Variants in IPO7 observed in about 807,000 individuals in gnomAD.
The protein encoded by IPO7 is importin 7, also known as importin-7.
A neutral mutation model predicts 136.4 loss-of-function variants in IPO7; 13 were observed. That is an observed-to-expected ratio of 0.10 (90% confidence interval 0.06 to 0.15). The LOEUF is 0.15. Ranked by LOEUF, IPO7 falls within the 10% of genes least tolerant of loss-of-function variation. The pLI is 1.00. For synonymous variants in IPO7, 403 were observed against 404.4 expected (o/e 1.00, Z 0.04); for missense variants, 857 against 1,240.6 (o/e 0.69, Z 4.65).
chr11:9,415,511 T>G (rs1202729544), intron 5 of IPO7, among the ~76,000 whole-genome samples: 1 of 152,148 alleles, frequency 6.6e-6, no homozygotes, highest in Non-Finnish European at 1.5e-5. Flanking sequence ...TTCTGTATGT[T>G]CTAAATTTTT....
Position 9,446,626 on chromosome 11 carries a change from A to G in IPO7, c.*1432A>G, listed in dbSNP as rs1347244551. 3 of 152,222 alleles carry G rather than the reference A, an allele frequency of 2.0e-5. No individual in the cohort carries two copies. The East Asian group carries it at 5.8e-4, about 29-fold the overall frequency. The allele number at this position is 152,222 out of a possible 1,614,324, so 9.4% of individuals were successfully genotyped here. On this transcript the variant is annotated 3_prime_UTR_variant, in exon 25 of 25. Coordinates refer to ENST00000379719, the MANE Select transcript of IPO7 (RefSeq NM_006391.3). ...TACATGTATACACAAAATATTTCAA[A>G]TTGAAAGCAACATCTTAATGGATTC...
At chr11:9,390,019 G>T (rs1361058098) in intron 1 of IPO7, among the ~76,000 whole-genome samples, 1 of 152,072 alleles carries the variant, frequency 6.6e-6, no homozygotes, top group African/African-American at 2.4e-5. Flanking sequence ...GCCTCCCAAA[G>T]TCTTGGGATT....
chr11:9,400,210 A>G (rs1854773333), intron 1 of IPO7, among the ~76,000 whole-genome samples: 1 of 152,106 alleles, frequency 6.6e-6, no homozygotes, highest in Admixed American at 6.6e-5. Context: ...TTTTTCCCCC[A>G]AACATTTTCC....
At chr11:9,432,991 T>TTTTTTTTTTG (rs1192538437) in intron 16 of IPO7, 2 of 144,850 alleles carry the variant, frequency 1.4e-5, no homozygotes, top group Non-Finnish European at 3.1e-5. Context: ...TCCAAATGGT[T>TTTTTTTTTTG]TTTTTTTTTT....
rs1162973548 is a variant in IPO7, at chr11:9,433,839, C to T, written c.2067C>T (p.Tyr689=). 1.2e-6 allele frequency: 2 copies of T among 1,610,164 alleles called. No individual in the cohort carries two copies. Among genetic ancestry groups the T allele is most frequent in the African/African-American group, 2.7e-5 (2 of 74,864 alleles). ...FEVFQQDGFD[Y]FTDMMPLLHN... ...TCTTTCAGCAAGATGGCTTTGATTA[C>T]TTTACAGGTGAGTCAAAGCAGCATG... The change falls in exon 18 of 25, where the codon TAC becomes TAT. Residue 689 remains tyrosine (Y), a synonymous_variant. Coordinates refer to ENST00000379719, the MANE Select transcript of IPO7 (RefSeq NM_006391.3).
chr11:9,391,996 A>G (rs1854640043), intron 1 of IPO7, among the ~76,000 whole-genome samples: 1 of 151,990 alleles, frequency 6.6e-6, no homozygotes, highest in South Asian at 2.1e-4. Flanking sequence ...CCCAAGTGCT[A>G]GAATTACAGG....
intron 4 of IPO7, among the ~76,000 whole-genome samples, chr11:9,410,843 C>G (rs993355399): frequency 3.9e-5 from 6 of 152,118 alleles, no homozygotes; most frequent in African/African-American, 1.4e-4. Flanking sequence ...ATACCATGAT[C>G]GTGACTTTAT....
intron 24 of IPO7, among the ~76,000 whole-genome samples, chr11:9,443,800 T>A (rs564276462): frequency 6.6e-6 from 1 of 151,132 alleles, no homozygotes; most frequent in African/African-American, 2.4e-5. Context: ...CTTGGGAGGC[T>A]GAGGCTGGAG....
intron 1 of IPO7, among the ~76,000 whole-genome samples, chr11:9,387,152 A>G (rs1056699305): frequency 6.6e-6 from 1 of 152,234 alleles, no homozygotes; most frequent in African/African-American, 2.4e-5. Context: ...AGAAGAACGA[A>G]TTATTCTATG....
At chr11:9,399,248 C>T (rs988732766) in intron 1 of IPO7, among the ~76,000 whole-genome samples, 1 of 151,494 alleles carries the variant, frequency 6.6e-6, no homozygotes. Flanking sequence ...ACCACAACCT[C>T]TGTCTCCGGG....
chr11:9,441,981 T>G (rs1041248937), intron 23 of IPO7, 100 bp from the exon 24 acceptor site: 5 of 568,942 alleles, frequency 8.8e-6, no homozygotes, highest in Non-Finnish European at 1.6e-5. Context: ...GATCAGAATT[T>G]CAGTATTGCC....
In IPO7 at chr11:9,384,908, G is replaced by C. The variant is rs889174197; in HGVS notation, c.84+61G>C. On this transcript the variant is annotated intron_variant, in intron 1 of 24. Coordinates refer to ENST00000379719, the MANE Select transcript of IPO7 (RefSeq NM_006391.3). ...CGGGTGGGCAGAAGTGGCAGGCCGA[G>C]CCCCCGGGGCCTGGCCGGAGGCGCG... The C allele has an allele frequency of 1.9e-5, 26 of 1,342,860 alleles. 1 individual carries two copies. In the Admixed American group the frequency reaches 4.2e-4, roughly 22 times the overall value. 83.2% of individuals were successfully genotyped at this position (1,342,860 alleles called of 1,614,324 possible).
intron 6 of IPO7, among the ~76,000 whole-genome samples, chr11:9,419,413 T>TGGCG (rs1855091658): frequency 1.3e-5 from 2 of 151,538 alleles, no homozygotes; most frequent in Non-Finnish European, 2.9e-5. Context: ...CTGGGCGTGG[T>TGGCG]GGTGCAAGCC....
At chr11:9,444,954 C>T (rs1010063187) in intron 24 of IPO7, 143 bp from the exon 25 acceptor site, 5 of 629,530 alleles carry the variant, frequency 7.9e-6, no homozygotes, top group Non-Finnish European at 1.4e-5. Flanking sequence ...CTCCCTTGCC[C>T]TTATACATTG....
chr11:9,424,582 A>G (rs928946622), intron 10 of IPO7, among the ~76,000 whole-genome samples: 17 of 152,088 alleles, frequency 1.1e-4, no homozygotes, highest in Admixed American at 6.6e-5. Context: ...CATCTCTACT[A>G]AAAATACAAA....
At chr11:9,410,191 A>G (rs1384001657) in intron 4 of IPO7, 105 bp downstream of exon 4, 2 of 687,536 alleles carry the variant, frequency 2.9e-6, no homozygotes, top group Non-Finnish European at 4.3e-6. Flanking sequence ...AGATAATAAA[A>G]TTAGTGAATT....
chr11:9,428,951 A>C, intron 13 of IPO7, 80 bp from the exon 14 acceptor site: 1 of 1,291,380 alleles, frequency 7.7e-7, no homozygotes, highest in Non-Finnish European at 1.1e-6. Flanking sequence ...ATTCCCACAC[A>C]CAGAACTCAG....
At position 9,442,181 on chromosome 11, in the gene IPO7, A is replaced by C. The variant is rs762829974; in HGVS notation, c.3003A>C (p.Gln1001His). ...QLQDIATLAD[Q>H]RRAAHESKMI... ...AGGACATAGCAACTCTGGCTGATCA[A>C]AGAAGAGCAGCCCATGGTATGTTAA... is the stretch of plus-strand genomic sequence containing the variant. Residue 1001 changes from glutamine to histidine, a missense_variant, in exon 24 of 25, where the codon CAA becomes CAC. Coordinates refer to ENST00000379719, the MANE Select transcript of IPO7 (RefSeq NM_006391.3). 1 of 1,564,818 alleles carries C rather than the reference A, an allele frequency of 6.4e-7. No homozygotes were observed.
At chr11:9,410,839 T>C (rs1015520615) in intron 4 of IPO7, among the ~76,000 whole-genome samples, 1 of 152,192 alleles carries the variant, frequency 6.6e-6, no homozygotes, top group South Asian at 2.1e-4. Flanking sequence ...TTTTATACCA[T>C]GATCGTGACT....
Sources: allele counts gnomAD v4.1 joint callset (sites outside exome capture counted in the v4.1 genomes callset), GRCh38; gene constraint gnomAD v4.1.1; transcripts MANE v1.5; gene names NCBI Gene and HGNC (gene_info 2026-07-23, HGNC 2026-07-21).